The following PDE6C variants were observed in gnomAD, a reference collection of about 807,000 sequenced individuals.
The protein encoded by PDE6C is phosphodiesterase 6C, also known as cone cGMP-specific 3',5'-cyclic phosphodiesterase subunit alpha'.
In PDE6C, 75 loss-of-function variants were observed where a neutral mutation model predicts 113.1. The observed-to-expected ratio is 0.66, with a 90% confidence interval of 0.55 to 0.80. The LOEUF is 0.80. Ranked by LOEUF, PDE6C falls within the 30% of genes least tolerant of loss-of-function variation. The pLI is 0.00. For missense variants in PDE6C, 912 were observed against 1,038.6 expected, an observed-to-expected ratio of 0.88 and a Z score of 1.67; for synonymous variants, 375 against 363.7, an observed-to-expected ratio of 1.03 and a Z score of -0.35.
At chr10:93,633,529 G>C (rs1253955414) in intron 8 of PDE6C, among the ~76,000 whole-genome samples, 1 of 150,514 alleles carries the variant, frequency 6.6e-6, no homozygotes, top group Non-Finnish European at 1.5e-5. Context: ...ATGGTCCTTG[G>C]ACCACACTTT....
intron 4 of PDE6C, among the ~76,000 whole-genome samples, chr10:93,622,639 G>GTTTTTTTTTGTTTTTTTTTTTTTT (rs2058452335): frequency 1.8e-5 from 2 of 113,980 alleles, no homozygotes; most frequent in African/African-American, 3.7e-5. Context: ...GTAGCCACAG[G>GTTTTTTTTTGTTTTTTTTTTTTTT]TTTTTTTTTT....
At chr10:93,644,812 G>A (rs574186689) in intron 14 of PDE6C, among the ~76,000 whole-genome samples, 308 of 144,168 alleles carry the variant, frequency 2.1e-3, no homozygotes, top group African/African-American at 3.5e-3. Flanking sequence ...TATATAGTAT[G>A]TATATAGTAC....
At chr10:93,619,608 T>C (rs1486305534) in intron 1 of PDE6C, among the ~76,000 whole-genome samples, 1 of 152,104 alleles carries the variant, frequency 6.6e-6, no homozygotes, top group African/African-American at 2.4e-5. Context: ...TGTATTTTAG[T>C]AGAGACAGGG....
At chr10:93,635,183 C>G (rs1451839395) in intron 9 of PDE6C, among the ~76,000 whole-genome samples, 1 of 152,190 alleles carries the variant, frequency 6.6e-6, no homozygotes, top group Non-Finnish European at 1.5e-5. Flanking sequence ...TCCCACTCCT[C>G]CTTCCTGTTC....
At chr10:93,624,771 G>C (rs1177634613) in intron 4 of PDE6C, among the ~76,000 whole-genome samples, 1 of 152,124 alleles carries the variant, frequency 6.6e-6, no homozygotes, top group East Asian at 1.9e-4. Context: ...GTAGGGCAGC[G>C]CTAGTACTGG....
chr10:93,655,068 C>A (rs939152741), intron 15 of PDE6C, among the ~76,000 whole-genome samples: 1 of 151,924 alleles, frequency 6.6e-6, no homozygotes, highest in Non-Finnish European at 1.5e-5. Flanking sequence ...TACCCACCTC[C>A]GCCTCCCAAA....
intron 9 of PDE6C, 105 bp downstream of exon 9, chr10:93,635,012 C>A: frequency 8.5e-7 from 1 of 1,175,182 alleles, no homozygotes; most frequent in Non-Finnish European, 1.3e-6. Flanking sequence ...GCCATTAAGA[C>A]ATGAGTCACA....
chr10:93,645,983 T>C lies in PDE6C; in HGVS notation c.1871T>C (p.Leu624Pro). 1.2e-6 allele frequency: 2 copies of C among 1,607,866 alleles called. No homozygotes were observed. ...QMKSTSPLAR[L>P]HGSSILERHH... The stretch of plus-strand genomic sequence containing the variant: ...AGATCCACGTCTCCATTAGCAAGAC[T>C]TCATGGTTCTTCTATTTTGGAGAGG... The change falls in exon 15 of 22, where the codon CTT (leucine) becomes CCT (proline). Residue 624 changes from leucine to proline, a missense_variant. Leu to Pro is a moderately conservative substitution (Grantham distance 98). Coordinates refer to ENST00000371447, the MANE Select transcript of PDE6C (RefSeq NM_006204.4).
chr10:93,627,811 A>G (rs2058481302), intron 7 of PDE6C, among the ~76,000 whole-genome samples: 1 of 152,224 alleles, frequency 6.6e-6, no homozygotes, highest in Non-Finnish European at 1.5e-5. Context: ...GGCATGAAAG[A>G]TTCCTTAAAT....
At chr10:93,648,394 A>G (rs1247627076) in intron 15 of PDE6C, among the ~76,000 whole-genome samples, 7 of 152,202 alleles carry the variant, frequency 4.6e-5, no homozygotes, top group Non-Finnish European at 4.4e-5. Flanking sequence ...TGAGCAGTCA[A>G]ATTGGACACA....
intron 11 of PDE6C, 69 bp downstream of exon 11, chr10:93,637,132 C>T (rs1037356298): frequency 2.9e-5 from 23 of 791,150 alleles, no homozygotes; most frequent in Non-Finnish European, 4.6e-5. Flanking sequence ...TATATTAGGA[C>T]ATGCTTTCTT....
chr10:93,642,006 A>T (rs1007643857), intron 14 of PDE6C, among the ~76,000 whole-genome samples: 3 of 152,252 alleles, frequency 2.0e-5, no homozygotes, highest in Admixed American at 6.5e-5. Context: ...AGGTTGTTGT[A>T]AAGATTAAAT....
chr10:93,625,512 A>C, intron 4 of PDE6C, 63 bp from the exon 5 acceptor site: 3 of 1,076,282 alleles, frequency 2.8e-6, no homozygotes, highest in African/African-American at 1.5e-5. Flanking sequence ...CATAAAATTC[A>C]TATAAGATAT....
At chr10:93,664,755 T>C (rs1589707993) in intron 21 of PDE6C, among the ~76,000 whole-genome samples, 1 of 152,346 alleles carries the variant, frequency 6.6e-6, no homozygotes, top group Non-Finnish European at 1.5e-5. Context: ...TTATTTTCTA[T>C]CACCAGGCAT....
At chr10:93,662,858 G>C (rs2058672370) in intron 20 of PDE6C, among the ~76,000 whole-genome samples, 170 bp from the exon 21 acceptor site, 1 of 152,116 alleles carries the variant, frequency 6.6e-6, no homozygotes, top group Non-Finnish European at 1.5e-5. Context: ...CCTTAGGCAG[G>C]CAGTAAAGAC....
chr10:93,625,502 C>T, intron 4 of PDE6C, 73 bp from the exon 5 acceptor site: 1 of 1,008,742 alleles, frequency 9.9e-7, no homozygotes, highest in Non-Finnish European at 1.6e-6. Context: ...TATACAAACA[C>T]ATAAAATTCA....
chr10:93,616,322 G>T (rs1435520719), intron 1 of PDE6C, among the ~76,000 whole-genome samples: 2 of 152,148 alleles, frequency 1.3e-5, no homozygotes, highest in African/African-American at 4.8e-5. Flanking sequence ...CAAAGGTACA[G>T]AACTACATAC....
intron 14 of PDE6C, among the ~76,000 whole-genome samples, chr10:93,644,433 T>C (rs992551801): frequency 1.3e-5 from 2 of 152,132 alleles, no homozygotes; most frequent in African/African-American, 2.4e-5. Context: ...AATTGCTACA[T>C]AATAGATATA....
rs1564806907 is a variant in PDE6C at position 93,663,037 on chromosome 10, CG to C, written c.2379del (p.His795ThrfsTer8). On this transcript the variant is annotated frameshift_variant, in exon 21 of 22. Coordinates refer to ENST00000371447, the MANE Select transcript of PDE6C (RefSeq NM_006204.4). LOFTEE classifies it high-confidence loss of function. ...CTAAAATTCCTTTTAGGAGTTCTCACGGTTTCACAAAGAAATCACACCTATG... is the reference window on the plus strand; with the variant it reads ...CTAAAATTCCTTTTAGGAGTTCTCACGTTTCACAAAGAAATCACACCTATG... ...VCTFVYKEFS[R>X]FHKEITPMLS... 1 of 1,611,696 alleles carries C rather than the reference CG, an allele frequency of 6.2e-7. No homozygotes were observed. Among genetic ancestry groups the C allele is most frequent in the Admixed American group, 1.7e-5 (1 of 59,988 alleles).
Sources: gnomAD v4.1 joint callset for allele counts (sites outside exome capture counted in the v4.1 genomes callset) on GRCh38, gnomAD v4.1.1 for gene constraint, MANE v1.5 for transcripts, NCBI Gene and HGNC (gene_info 2026-07-23, HGNC 2026-07-21) for gene names.